Variants in IL16 observed in about 807,000 individuals in gnomAD.
The protein encoded by IL16 is interleukin 16, also known as pro-interleukin-16.
Under a neutral mutation model 110.1 loss-of-function variants are expected in IL16, and 67 were observed. The observed-to-expected ratio is 0.61, with a 90% CI of 0.50 to 0.75. The LOEUF (loss-of-function observed/expected upper bound fraction) is 0.75. Ranked by LOEUF, IL16 falls within the 30% of genes least tolerant of loss-of-function variation. The probability of loss-of-function intolerance (pLI) is 0.00; values close to 1 mark genes in which losing one functional copy is unlikely to be tolerated. For synonymous variants in IL16, 689 were observed against 662.9 expected (o/e 1.04, Z -0.61); for missense variants, 1,545 against 1,655.0 (o/e 0.93, Z 1.15).
chr15:81,239,822 G>A lies in IL16; in HGVS notation c.312+14111G>A, dbSNP rs1168590205. Among the ~76,000 whole-genome samples the A allele has an allele frequency of 2.6e-5, 4 of 152,038 alleles. No homozygotes were observed. The South Asian group carries it at 8.3e-4, about 31-fold the overall frequency. ...TTGTTTTTGGCTTTGCCTATTGGCAGTTCTGGGTTGCAGGCCTCTCCAGCC... is the reference window on the plus strand; with the variant it reads ...TTGTTTTTGGCTTTGCCTATTGGCAATTCTGGGTTGCAGGCCTCTCCAGCC... On this transcript the variant is annotated intron_variant, in intron 2 of 18. Coordinates refer to ENST00000683961, the MANE Select transcript of IL16 (RefSeq NM_172217.5).
In IL16 at chr15:81,306,410, T is replaced by C; in HGVS notation, c.3680-10T>C. The C allele has an allele frequency of 6.2e-7, 1 of 1,613,670 alleles. No homozygotes were observed. Among genetic ancestry groups the C allele is most frequent in the Non-Finnish European group, 8.5e-7 (1 of 1,179,910 alleles). On this transcript the variant is annotated splice_polypyrimidine_tract_variant and intron_variant, in intron 17 of 18. Transcript: ENST00000683961. ...GAGGATCCCTAACAGAGACCTTGTG[T>C]TTTTCTCAGCAGCAGAGGCCACAGT...
chr15:81,271,288 A>T (rs925620537), intron 5 of IL16, among the ~76,000 whole-genome samples: 6 of 150,608 alleles, frequency 4.0e-5, no homozygotes, highest in African/African-American at 7.3e-5. Flanking sequence ...TAAATAAAAT[A>T]AAATAATAAA....
rs1251745026 is a variant in IL16, at chr15:81,313,427, T to G, written c.*4629T>G. ...CCCTGTGAAGGCAACAGCAGAGCTG[T>G]GTTATGATCTGCAGCAGAGGTGCTG... On this transcript the variant is annotated 3_prime_UTR_variant, in exon 19 of 19. Transcript: ENST00000683961. 1 of 1,492,520 alleles carries G rather than the reference T, an allele frequency of 6.7e-7. No individual in the cohort carries two copies. The highest frequency in any genetic ancestry group is 9.0e-7 in the Non-Finnish European group (1 of 1,116,752). The allele number at this position is 1,492,520 out of a possible 1,614,324, so 92.5% of individuals were successfully genotyped here. A position where few individuals can be genotyped will look rare whatever the true frequency, so the allele number is the denominator to read the frequency against.
intron 6 of IL16, among the ~76,000 whole-genome samples, chr15:81,275,733 A>G (rs1200854051): frequency 2.6e-5 from 4 of 152,210 alleles, no homozygotes; most frequent in Non-Finnish European, 5.9e-5. Flanking sequence ...ATGATCCCTG[A>G]TTCTAGCCTC....
At chr15:81,281,456 G>A (rs753201375) in intron 8 of IL16, among the ~76,000 whole-genome samples, 2 of 152,196 alleles carry the variant, frequency 1.3e-5, no homozygotes, top group Non-Finnish European at 2.9e-5. Flanking sequence ...ATGCAGCTAC[G>A]TTCAAACTTT....
At chr15:81,185,398 C>G (rs534449867) in intron 1 of IL16, among the ~76,000 whole-genome samples, 19 of 150,708 alleles carry the variant, frequency 1.3e-4, no homozygotes, top group African/African-American at 4.6e-4. Flanking sequence ...ATCTGTCGCC[C>G]AGGCTAGAGT....
intron 3 of IL16, among the ~76,000 whole-genome samples, chr15:81,265,303 G>A (rs1461668531): frequency 1.3e-5 from 2 of 152,098 alleles, no homozygotes; most frequent in African/African-American, 4.8e-5. Context: ...TTCTCTCCTT[G>A]GTTGGGATTG....
chr15:81,279,246 C>G (rs1252347197), intron 7 of IL16, among the ~76,000 whole-genome samples: 2 of 152,146 alleles, frequency 1.3e-5, no homozygotes, highest in African/African-American at 4.8e-5. Context: ...ATCCATCTAT[C>G]TATTATCAAT....
At chr15:81,252,460 T>C (rs1001488654) in intron 2 of IL16, among the ~76,000 whole-genome samples, 1 of 152,220 alleles carries the variant, frequency 6.6e-6, no homozygotes, top group Admixed American at 6.5e-5. Context: ...GAATATTCTA[T>C]TTTTTAATGG....
chr15:81,297,678 A>G (rs1377194442), intron 13 of IL16, among the ~76,000 whole-genome samples: 1 of 152,194 alleles, frequency 6.6e-6, no homozygotes, highest in Admixed American at 6.5e-5. Context: ...TTCTGAGCCC[A>G]GATTCACTCA....
At chr15:81,256,639 C>T (rs1170138602) in intron 2 of IL16, among the ~76,000 whole-genome samples, 2 of 152,180 alleles carry the variant, frequency 1.3e-5, no homozygotes, top group African/African-American at 4.8e-5. Flanking sequence ...CCACCGCACC[C>T]AGACTCTACA....
At position 81,278,911 on chromosome 15, in the gene IL16, C is replaced by T. The variant is rs558676506; in HGVS notation, c.864+21C>T. On this transcript the variant is annotated intron_variant, in intron 7 of 18. Coordinates refer to ENST00000683961, the MANE Select transcript of IL16 (RefSeq NM_172217.5). ...TCAAGGTGACCATTTCTTATCAACA[C>T]GTGACCAAACTCTGGGGCCTTCAGG... The T allele has an allele frequency of 4.4e-5, 68 of 1,545,196 alleles. No individual in the cohort carries two copies. The East Asian group carries it at 7.2e-4, about 16-fold the overall frequency.
intron 2 of IL16, among the ~76,000 whole-genome samples, chr15:81,233,491 G>A (rs181913279): frequency 1.2e-4 from 17 of 147,248 alleles, no homozygotes; most frequent in Non-Finnish European, 2.5e-4. Context: ...GTGTGTGTGT[G>A]TGTGTCTTGA....
chr15:81,291,247 A>G (rs1899703662), intron 11 of IL16, among the ~76,000 whole-genome samples: 1 of 152,204 alleles, frequency 6.6e-6, no homozygotes, highest in South Asian at 2.1e-4. Context: ...AACAGAACAC[A>G]ATTTATTTCA....
intron 1 of IL16, among the ~76,000 whole-genome samples, chr15:81,220,609 G>C (rs1227318193): frequency 6.6e-6 from 1 of 152,146 alleles, no homozygotes; most frequent in Non-Finnish European, 1.5e-5. Flanking sequence ...GGAGAATTCA[G>C]CAATTTGAAA....
intron 1 of IL16, among the ~76,000 whole-genome samples, chr15:81,205,845 A>G (rs558458202): frequency 1.1e-4 from 17 of 152,206 alleles, no homozygotes; most frequent in Non-Finnish European, 2.4e-4. Context: ...ATGCAAATTA[A>G]AAGAAAGTGA....
In IL16 at chr15:81,256,056, CA is replaced by C. The variant is rs1247801200; in HGVS notation, c.313-3713del. On this transcript the variant is annotated intron_variant, in intron 2 of 18. Transcript: ENST00000683961. ...AAATAGTATTCATAATCCCATCACC[CA>C]AACCCACTCTTGCTAATTCATGAGA... Among the ~76,000 whole-genome samples the C allele has an allele frequency of 7.2e-5, 11 of 152,284 alleles. No individual in the cohort carries two copies. In the East Asian group the frequency reaches 2.1e-3, roughly 29 times the overall value.
intron 1 of IL16, among the ~76,000 whole-genome samples, chr15:81,184,993 G>A (rs560631698): frequency 1.3e-5 from 2 of 152,268 alleles, no homozygotes; most frequent in South Asian, 2.1e-4. Flanking sequence ...TGGGAAATAG[G>A]AATCGAGTCA....
At chr15:81,281,577 A>C (rs11858233) in intron 8 of IL16, among the ~76,000 whole-genome samples, 7,437 of 152,276 alleles carry the variant, frequency 0.049, 530 homozygotes, top group African/African-American at 0.16. Context: ...CTTGCCTGTG[A>C]AGCCACCTGA....
Sources: allele counts gnomAD v4.1 joint callset (sites outside exome capture counted in the v4.1 genomes callset), GRCh38; gene constraint gnomAD v4.1.1; transcripts MANE v1.5; gene names NCBI Gene and HGNC (gene_info 2026-07-23, HGNC 2026-07-21).